Variants in MATK observed in about 807,000 individuals in gnomAD.
MATK encodes the protein megakaryocyte-associated tyrosine kinase.
MATK carries 41 observed loss-of-function variants against 59.8 expected under a neutral mutation model. The observed-to-expected ratio is 0.69, with a 90% CI of 0.53 to 0.89. The LOEUF (loss-of-function observed/expected upper bound fraction) is 0.89. MATK is among the 40% of genes least tolerant of loss of function. The pLI, the probability that MATK is intolerant of heterozygous loss-of-function variation, is 0.00. For missense variants in MATK, 593 were observed against 719.6 expected, an observed-to-expected ratio of 0.82 and a Z score of 2.01; for synonymous variants, 308 against 306.1, an observed-to-expected ratio of 1.01 and a Z score of -0.06.
chr19:3,795,752 T>C (rs1211291047), intron 1 of MATK, among the ~76,000 whole-genome samples: 1 of 83,472 alleles, frequency 1.2e-5, no homozygotes, highest in Non-Finnish European at 2.4e-5. Flanking sequence ...AAGTAGGTGC[T>C]TTTTTTTTTT....
upstream of MATK, chr19:3,786,544 G>A: frequency 6.2e-6 from 2 of 320,516 alleles, no homozygotes; most frequent in Non-Finnish European, 8.5e-6. This position sits in a 1 kb window ranked among gnomAD's most constrained non-coding sequence, Gnocchi z 4.1. Flanking sequence ...ACCCACCCTG[G>A]GAAGCGGGGT....
At chr19:3,798,370 G>C (rs776104343) in intron 1 of MATK, among the ~76,000 whole-genome samples, 1 of 151,996 alleles carries the variant, frequency 6.6e-6, no homozygotes, top group African/African-American at 2.4e-5. Context: ...GGTGGTTGGC[G>C]GGTGGGGGTG....
chr19:3,784,925 C>T (rs1029857244), intron 2 of MATK, 41 bp from the exon 3 acceptor site: 8 of 1,449,300 alleles, frequency 5.5e-6, no homozygotes, highest in Non-Finnish European at 5.7e-6. Flanking sequence ...TGGGCTGGGA[C>T]CCACGGTCCA....
rs142876716 is a variant in MATK, at chr19:3,800,058, C to T, written c.-58+1474G>A. 8.9e-3 allele frequency among the ~76,000 whole-genome samples: 1,343 copies of T among 150,878 alleles called. 20 individuals carry two copies. The highest frequency in any genetic ancestry group is 0.031 in the African/African-American group (1,284 of 41,092). ...TCGGGAGGCTGAGGCAGGAGAATGG[C>T]GTGAACCCGGGAGGCGGAGCCTGCA... On this transcript the variant is annotated intron_variant, in intron 1 of 13. Transcript: ENST00000395045.
chr19:3,787,577 A>C (rs2037499532), upstream of MATK: 1 of 151,744 alleles, frequency 6.6e-6, no homozygotes, highest in African/African-American at 2.4e-5. Flanking sequence ...TTTGAGATGA[A>C]GTCTCACTTT....
Position 3,784,287 on chromosome 19 carries a change from C to G in MATK, c.247-48G>C, listed in dbSNP as rs777895448. ...TTAGTGTGGGGGGTGTGGGGGTGGTCCTGGTGGAGCCCCCAGCCCCAAGCA... is the reference window on the plus strand; with the variant it reads ...TTAGTGTGGGGGGTGTGGGGGTGGTGCTGGTGGAGCCCCCAGCCCCAAGCA... On this transcript the variant is annotated intron_variant, in intron 4 of 13. Coordinates refer to ENST00000310132, the MANE Select transcript of MATK (RefSeq NM_139355.3). 25 of 1,593,766 alleles carry G rather than the reference C, an allele frequency of 1.6e-5. No individual in the cohort carries two copies. In the East Asian group the frequency reaches 5.2e-4, roughly 33 times the overall value.
At chr19:3,798,225 C>T (rs907799043) in intron 1 of MATK, among the ~76,000 whole-genome samples, 1 of 152,024 alleles carries the variant, frequency 6.6e-6, no homozygotes, top group African/African-American at 2.4e-5. Context: ...CTGTTTTCTT[C>T]TGCCCTCTTT....
chr19:3,782,301 G>A (rs949847008), intron 7 of MATK, among the ~76,000 whole-genome samples: 3 of 152,254 alleles, frequency 2.0e-5, no homozygotes, highest in Non-Finnish European at 2.9e-5. Context: ...TCCAGAAAGT[G>A]CCCCCTCCAA....
intron 2 of MATK, 52 bp from the exon 3 acceptor site, chr19:3,784,936 G>T: frequency 7.0e-7 from 1 of 1,427,588 alleles, no homozygotes; most frequent in Non-Finnish European, 9.7e-7. Context: ...CCACGGTCCA[G>T]TTCCTACCAC....
At chr19:3,795,198 C>G (rs1038167951) in intron 1 of MATK, among the ~76,000 whole-genome samples, 1 of 150,908 alleles carries the variant, frequency 6.6e-6, no homozygotes, top group African/African-American at 2.4e-5. Flanking sequence ...AGGATGGTCT[C>G]GATCTCCTGA....
chr19:3,788,084 T>C (rs1414947503), upstream of MATK, among the ~76,000 whole-genome samples: 1 of 142,364 alleles, frequency 7.0e-6, no homozygotes, highest in Non-Finnish European at 1.5e-5. Flanking sequence ...TTATATATAT[T>C]ATATTATTAA....
chr19:3,778,669 C>G, intron 12 of MATK, 74 bp from the exon 13 acceptor site: 1 of 1,488,040 alleles, frequency 6.7e-7, no homozygotes, highest in Non-Finnish European at 9.1e-7. Context: ...CTCCAGGAAG[C>G]CCTCCTGGGT....
chr19:3,799,458 T>C lies in MATK; in HGVS notation c.-58+2074A>G, dbSNP rs186806362. On this transcript the variant is annotated intron_variant, in intron 1 of 13. Coordinates refer to the MATK transcript ENST00000395045. Reference sequence around the variant, plus strand: ...ATGGAATAAATGTCAACATCCTCAATGGGAGAAATAGGGAAACCACATGAA... The same window carrying C: ...ATGGAATAAATGTCAACATCCTCAACGGGAGAAATAGGGAAACCACATGAA... Among the ~76,000 whole-genome samples, 124 of 152,230 alleles carry C rather than the reference T, an allele frequency of 8.1e-4. 1 individual carries two copies. Among genetic ancestry groups the C allele is most frequent in the Middle Eastern group, 3.4e-3 (1 of 294 alleles).
At chr19:3,782,269 T>G (rs1394927187) in intron 7 of MATK, among the ~76,000 whole-genome samples, 1 of 152,150 alleles carries the variant, frequency 6.6e-6, no homozygotes, top group East Asian at 1.9e-4. Flanking sequence ...TCTGGTCGGT[T>G]CTGCAGACGT....
chr19:3,784,131 G>A lies in MATK; in HGVS notation c.355C>T (p.Leu119Phe). ...EALSADPKLSLMPWFHGKISG... is the reference protein window; with the variant it reads ...EALSADPKLSFMPWFHGKISG... The stretch of plus-strand genomic sequence containing the variant: ...CCTGTCCTGCCCACTCACGGCATGA[G>A]GCTGAGCTTGGGGTCTGCGGAGAGG... Residue 119 changes from leucine to phenylalanine, a missense_variant, in exon 5 of 14, where the codon CTC becomes TTC. Leu to Phe is a conservative substitution (Grantham distance 22). Coordinates refer to ENST00000310132, the MANE Select transcript of MATK (RefSeq NM_139355.3). 1.2e-6 allele frequency: 2 copies of A among 1,609,648 alleles called. No individual in the cohort carries two copies. The highest frequency in any genetic ancestry group is 1.7e-6 in the Non-Finnish European group (2 of 1,177,434).
chr19:3,798,102 T>C, intron 1 of MATK, among the ~76,000 whole-genome samples: 1 of 152,160 alleles, frequency 6.6e-6, no homozygotes, highest in East Asian at 1.9e-4. Context: ...GGCAAACTTA[T>C]ACTTGTTTCC....
In MATK at chr19:3,800,059, G is replaced by A. The variant is rs1458539596; in HGVS notation, c.-58+1473C>T. ...CGGGAGGCTGAGGCAGGAGAATGGC[G>A]TGAACCCGGGAGGCGGAGCCTGCAG... is the stretch of plus-strand genomic sequence containing the variant. On this transcript the variant is annotated intron_variant, in intron 1 of 13. Transcript: ENST00000395045. 5.3e-5 allele frequency among the ~76,000 whole-genome samples: 8 copies of A among 150,720 alleles called. No homozygotes were observed. In the East Asian group the frequency reaches 7.9e-4, roughly 15 times the overall value.
chr19:3,792,023 G>A (rs559977785), intron 1 of MATK, among the ~76,000 whole-genome samples: 16 of 151,858 alleles, frequency 1.1e-4, no homozygotes, highest in East Asian at 7.8e-4. Flanking sequence ...TAGGAGAATC[G>A]CTTGAATCCA....
chr19:3,792,909 A>G (rs1372848037), intron 1 of MATK, among the ~76,000 whole-genome samples: 1 of 152,180 alleles, frequency 6.6e-6, no homozygotes, highest in Non-Finnish European at 1.5e-5. Context: ...CATGGCCTCC[A>G]TGGAAGCCGT....
Sources: allele counts gnomAD v4.1 joint callset (sites outside exome capture counted in the v4.1 genomes callset), GRCh38; gene constraint gnomAD v4.1.1; non-coding constraint Gnocchi (gnomAD v3.1); transcripts MANE v1.5; gene names NCBI Gene and HGNC (gene_info 2026-07-23, HGNC 2026-07-21).